DNAH11: variants seen among roughly 807,000 people sequenced by gnomAD.
DNAH11 encodes the protein axonemal beta dynein heavy chain 11.
A neutral mutation model predicts 526.0 loss-of-function variants in DNAH11; 442 were observed. That is an observed-to-expected ratio of 0.84 (90% CI 0.78 to 0.91). The LOEUF (loss-of-function observed/expected upper bound fraction) is 0.91. Ranked by LOEUF, DNAH11 falls within the 40% of genes least tolerant of loss-of-function variation. The pLI, the probability that DNAH11 is intolerant of heterozygous loss-of-function variation, is 0.00. For synonymous variants in DNAH11, 2,461 were observed against 1,935.9 expected (o/e 1.27, Z -7.12); for missense variants, 6,989 against 5,448.7 (o/e 1.28, Z -8.90).
chr7:21,558,712 A>G (rs1211072388), intron 2 of DNAH11, 90 bp from the exon 3 acceptor site: 1 of 918,750 alleles, frequency 1.1e-6, no homozygotes, highest in Non-Finnish European at 1.6e-6. Flanking sequence ...ATGAAATTGG[A>G]CAGTTTTGTT....
intron 76 of DNAH11, among the ~76,000 whole-genome samples, chr7:21,885,214 AATTAAC>A (rs913628960): frequency 1.4e-5 from 2 of 147,168 alleles, no homozygotes; most frequent in Non-Finnish European, 3.0e-5. Context: ...CACAATGGGA[AATTAAC>A]ATTAACATAT....
intron 6 of DNAH11, among the ~76,000 whole-genome samples, chr7:21,567,947 C>G (rs570039074): frequency 3.9e-5 from 6 of 152,118 alleles, no homozygotes; most frequent in Non-Finnish European, 8.8e-5. Context: ...ACTCTAGACA[C>G]TACGTTGTCT....
At chr7:21,695,672 A>G (rs533667216) in intron 35 of DNAH11, among the ~76,000 whole-genome samples, 1 of 152,370 alleles carries the variant, frequency 6.6e-6, no homozygotes, top group East Asian at 1.9e-4. Context: ...CACTCAGGAC[A>G]TAGGCATGGA....
intron 2 of DNAH11, among the ~76,000 whole-genome samples, chr7:21,546,973 C>G (rs553016200): frequency 6.6e-6 from 1 of 152,332 alleles, no homozygotes; most frequent in East Asian, 1.9e-4. Context: ...CAAAGGCACA[C>G]TTGCTCTTTT....
At chr7:21,791,470 G>A (rs1788476138) in intron 61 of DNAH11, among the ~76,000 whole-genome samples, 1 of 152,160 alleles carries the variant, frequency 6.6e-6, no homozygotes, top group African/African-American at 2.4e-5. Flanking sequence ...AGGAATAAAA[G>A]ACTGAAAACA....
intron 62 of DNAH11, among the ~76,000 whole-genome samples, chr7:21,807,666 G>T (rs188870727): frequency 6.7e-4 from 102 of 152,262 alleles, no homozygotes; most frequent in African/African-American, 2.4e-3. Flanking sequence ...ATGTCACTTT[G>T]TGATAAACTC....
intron 66 of DNAH11, among the ~76,000 whole-genome samples, chr7:21,849,939 C>A (rs1782558866): frequency 6.7e-6 from 1 of 149,960 alleles, no homozygotes; most frequent in African/African-American, 2.4e-5. Flanking sequence ...TTGTAAGCAT[C>A]TCACAGTTCT....
intron 79 of DNAH11, among the ~76,000 whole-genome samples, chr7:21,896,032 A>G (rs918286841): frequency 2.4e-4 from 37 of 152,230 alleles, no homozygotes; most frequent in Non-Finnish European, 5.0e-4. Context: ...CCTGGCCCAC[A>G]CTTTTGATTT....
At chr7:21,706,718 C>A (rs894680607) in intron 39 of DNAH11, among the ~76,000 whole-genome samples, 1 of 152,088 alleles carries the variant, frequency 6.6e-6, no homozygotes, top group African/African-American at 2.4e-5. Context: ...CCCGAGATAC[C>A]CGGAACACTG....
Position 21,867,927 on chromosome 7 carries a change from T to G in DNAH11, c.11759T>G (p.Phe3920Cys), listed in dbSNP as rs958623389. ...ACCAGATTGGACTTAGTTAAAGCAT[T>G]CGAAGAAAGCAGCCCAGCCACCCCC... Reference protein sequence around the residue: ...ERTRLDLVKAFEESSPATPIF... With the variant: ...ERTRLDLVKACEESSPATPIF... The change falls in exon 72 of 82, where the codon TTC (phenylalanine) becomes TGC (cysteine). Residue 3920 changes from phenylalanine (F) to cysteine (C), a missense_variant. Physicochemically the swap from Phe to Cys is radical, Grantham distance 205. Transcript: ENST00000409508. The G allele has an allele frequency of 6.3e-7, 1 of 1,577,494 alleles. No homozygotes were observed. The highest frequency in any genetic ancestry group is 8.6e-7 in the Non-Finnish European group (1 of 1,160,382).
chr7:21,615,714 A>G (rs1785742494), intron 21 of DNAH11, among the ~76,000 whole-genome samples: 1 of 152,130 alleles, frequency 6.6e-6, no homozygotes, highest in East Asian at 1.9e-4. Context: ...TGAAAAAGTA[A>G]GTTCTAGGGA....
In DNAH11 at chr7:21,705,671, A is replaced by C. The variant is rs1025788551; in HGVS notation, c.6546+134A>C. On this transcript the variant is annotated intron_variant, in intron 39 of 81. Coordinates refer to ENST00000409508, the MANE Select transcript of DNAH11 (RefSeq NM_001277115.2). ...CCATAATTTTGGGTCAGAATCTGAGACTGGAATCTTGCTGCTTGATCAATT... is the reference window on the plus strand; with the variant it reads ...CCATAATTTTGGGTCAGAATCTGAGCCTGGAATCTTGCTGCTTGATCAATT... The C allele has an allele frequency of 1.8e-5, 14 of 785,362 alleles. No individual in the cohort carries two copies. In the African/African-American group the frequency reaches 2.1e-4, roughly 12 times the overall value. 48.6% of individuals were successfully genotyped at this position (785,362 alleles called of 1,614,324 possible). A position where few individuals can be genotyped will look rare whatever the true frequency, so the allele number is the denominator to read the frequency against.
At chr7:21,562,152 G>A (rs1783486370) in intron 5 of DNAH11, among the ~76,000 whole-genome samples, 1 of 152,202 alleles carries the variant, frequency 6.6e-6, no homozygotes, top group Non-Finnish European at 1.5e-5. Flanking sequence ...TCCTTGAAGA[G>A]TTGCTATGTG....
At chr7:21,566,188 G>C (rs1783659453) in intron 6 of DNAH11, among the ~76,000 whole-genome samples, 1 of 152,116 alleles carries the variant, frequency 6.6e-6, no homozygotes, top group Non-Finnish European at 1.5e-5. Flanking sequence ...TTAAGTCCTA[G>C]TTACCCGTAA....
chr7:21,572,433 T>C (rs1218622435), intron 8 of DNAH11, among the ~76,000 whole-genome samples: 1 of 152,184 alleles, frequency 6.6e-6, no homozygotes, highest in Non-Finnish European at 1.5e-5. Flanking sequence ...TGATTATAAT[T>C]TCATATTTCC....
intron 65 of DNAH11, among the ~76,000 whole-genome samples, chr7:21,833,479 G>A (rs982853061): frequency 3.3e-5 from 5 of 152,068 alleles, no homozygotes; most frequent in Non-Finnish European, 5.9e-5. Flanking sequence ...GATCACCTGA[G>A]GTCAGGAGTT....
At chr7:21,703,721 T>C (rs977433335) in intron 37 of DNAH11, 3 of 152,006 alleles carry the variant, frequency 2.0e-5, no homozygotes, top group African/African-American at 7.3e-5. Flanking sequence ...CATATCACCA[T>C]GTGTATGTGC....
intron 65 of DNAH11, among the ~76,000 whole-genome samples, chr7:21,820,850 G>A (rs950487685): frequency 6.6e-6 from 1 of 152,196 alleles, no homozygotes; most frequent in Admixed American, 6.5e-5. Context: ...TCATAAGTCA[G>A]TGGGGAAGCT....
At chr7:21,854,928 T>C (rs983091758) in intron 68 of DNAH11, among the ~76,000 whole-genome samples, 4 of 152,052 alleles carry the variant, frequency 2.6e-5, no homozygotes, top group African/African-American at 4.8e-5. Context: ...ATTCTTATTC[T>C]CAGGAATTTT....
Sources: allele counts gnomAD v4.1 joint callset (sites outside exome capture counted in the v4.1 genomes callset), GRCh38; gene constraint gnomAD v4.1.1; transcripts MANE v1.5; gene names NCBI Gene and HGNC (gene_info 2026-07-23, HGNC 2026-07-21).